MYT1L: variants seen among roughly 807,000 people sequenced by gnomAD.
The protein encoded by MYT1L is myelin transcription factor 1-like protein.
A neutral mutation model predicts 126.7 loss-of-function variants in MYT1L; 12 were observed. The observed-to-expected ratio is 0.09, with a 90% CI of 0.06 to 0.15. MYT1L has a LOEUF of 0.15. Ranked by LOEUF, MYT1L falls within the 10% of genes least tolerant of loss-of-function variation. The pLI is 1.00. For synonymous variants in MYT1L, 541 were observed against 604.2 expected (o/e 0.90, Z 1.53); for missense variants, 979 against 1,585.2 (o/e 0.62, Z 6.49).
intron 8 of MYT1L, among the ~76,000 whole-genome samples, chr2:1,967,858 C>T (rs1285658214): frequency 6.6e-6 from 1 of 152,160 alleles, no homozygotes; most frequent in Non-Finnish European, 1.5e-5. Context: ...GAAGGGCCTC[C>T]TGCAGGGGAG....
At chr2:1,951,242 A>G (rs1234857271) in intron 8 of MYT1L, among the ~76,000 whole-genome samples, 2 of 152,114 alleles carry the variant, frequency 1.3e-5, no homozygotes, top group African/African-American at 2.4e-5. Context: ...GATGTTGTAG[A>G]CATGGTGGGG....
At chr2:2,037,848 TAC>T (rs2067057981) in intron 4 of MYT1L, among the ~76,000 whole-genome samples, 1 of 151,774 alleles carries the variant, frequency 6.6e-6, no homozygotes, top group Non-Finnish European at 1.5e-5. Flanking sequence ...TATTCAAAAC[TAC>T]AGTTTTTCAA....
At chr2:1,928,844 G>A (rs1415052012) in intron 9 of MYT1L, among the ~76,000 whole-genome samples, 5 of 152,092 alleles carry the variant, frequency 3.3e-5, no homozygotes, top group Non-Finnish European at 7.4e-5. Context: ...AGAAAATTAG[G>A]AAAATCCAGG....
intron 13 of MYT1L, among the ~76,000 whole-genome samples, chr2:1,906,549 T>C (rs2051082599): frequency 6.6e-6 from 1 of 152,188 alleles, no homozygotes; most frequent in Non-Finnish European, 1.5e-5. Context: ...TCTATACTTT[T>C]ATAGCAGTAT....
chr2:1,956,918 C>T (rs1465436324), intron 8 of MYT1L, among the ~76,000 whole-genome samples: 1 of 152,168 alleles, frequency 6.6e-6, no homozygotes, highest in Non-Finnish European at 1.5e-5. Flanking sequence ...ATCCATTGTG[C>T]TTCCTCCTTC....
chr2:2,039,509 G>A (rs1373646980), intron 4 of MYT1L, among the ~76,000 whole-genome samples: 1 of 152,144 alleles, frequency 6.6e-6, no homozygotes, highest in African/African-American at 2.4e-5. Context: ...TGACTGTTAG[G>A]GAAGTTTACC....
At chr2:2,064,380 G>A (rs1233660288) in intron 3 of MYT1L, among the ~76,000 whole-genome samples, 1 of 152,186 alleles carries the variant, frequency 6.6e-6, no homozygotes, top group Non-Finnish European at 1.5e-5. Context: ...ATTTCCAGTT[G>A]TTAACAGGAT....
In MYT1L at chr2:1,793,256, A is replaced by C. The variant is rs2032603002; in HGVS notation, c.3277-792T>G. Reference sequence around the variant, plus strand: ...TTCCAGAGATAATTTAAGTATCACCAAGGTCAAGGGGCTTGAGTTCAGGGC... The same window carrying C: ...TTCCAGAGATAATTTAAGTATCACCCAGGTCAAGGGGCTTGAGTTCAGGGC... On this transcript the variant is annotated intron_variant, in intron 23 of 24. Transcript: ENST00000647738. This position sits in a 1 kb window ranked among gnomAD's most constrained non-coding sequence, Gnocchi z 4.6. Among the ~76,000 whole-genome samples, 3 of 152,204 alleles carry C rather than the reference A, an allele frequency of 2.0e-5. No homozygotes were observed. The highest frequency in any genetic ancestry group is 2.0e-4 in the Admixed American group (3 of 15,286).
chr2:1,839,819 T>TAAA (rs2041417406), intron 20 of MYT1L, among the ~76,000 whole-genome samples: 2 of 152,230 alleles, frequency 1.3e-5, no homozygotes, highest in African/African-American at 4.8e-5. Context: ...CTAGAAGACA[T>TAAA]TTATTTGTCT....
chr2:1,986,010 T>C (rs907873432), intron 5 of MYT1L, among the ~76,000 whole-genome samples: 2 of 152,144 alleles, frequency 1.3e-5, no homozygotes, highest in African/African-American at 4.8e-5. Context: ...CCACTAGCCT[T>C]TTGAATACAG....
At chr2:2,186,217 C>G (rs1429638876) in intron 2 of MYT1L, among the ~76,000 whole-genome samples, 1 of 140,440 alleles carries the variant, frequency 7.1e-6, no homozygotes, top group Non-Finnish European at 1.5e-5. Context: ...CTTCCCGAGT[C>G]CCGCGTTCCT....
chr2:2,005,860 CCTG>C (rs2063254843), intron 4 of MYT1L, among the ~76,000 whole-genome samples: 3 of 147,912 alleles, frequency 2.0e-5, no homozygotes, highest in South Asian at 2.2e-4. Flanking sequence ...TTCTTTCCTG[CCTG>C]CTTTCTTTCC....
At chr2:2,058,927 T>C (rs547627634) in intron 3 of MYT1L, among the ~76,000 whole-genome samples, 2 of 152,288 alleles carry the variant, frequency 1.3e-5, no homozygotes, top group African/African-American at 4.8e-5. Context: ...TTGAGGATGA[T>C]TAAAGAAAGT....
At chr2:2,203,679 T>C (rs904776535) in intron 2 of MYT1L, among the ~76,000 whole-genome samples, 1 of 152,076 alleles carries the variant, frequency 6.6e-6, no homozygotes, top group Non-Finnish European at 1.5e-5. Context: ...AAAATGACCA[T>C]ACTGCCCAAG....
At chr2:2,074,585 A>G (rs1220413212) in intron 3 of MYT1L, among the ~76,000 whole-genome samples, 1 of 152,198 alleles carries the variant, frequency 6.6e-6, no homozygotes, top group Non-Finnish European at 1.5e-5. Flanking sequence ...TTCACACCCA[A>G]CGGGATATGG....
intron 22 of MYT1L, among the ~76,000 whole-genome samples, chr2:1,803,656 TG>T (rs767690365): frequency 1.3e-5 from 2 of 152,210 alleles, no homozygotes; most frequent in Non-Finnish European, 2.9e-5. Flanking sequence ...TGCTCTGTCC[TG>T]GGGGACCACC....
intron 9 of MYT1L, among the ~76,000 whole-genome samples, chr2:1,924,376 A>G (rs2053954314): frequency 6.6e-6 from 1 of 152,182 alleles, no homozygotes; most frequent in African/African-American, 2.4e-5. Flanking sequence ...GATTTGGTTA[A>G]CTGCATGCCA....
intron 2 of MYT1L, among the ~76,000 whole-genome samples, chr2:2,282,216 C>G (rs966745980): frequency 2.0e-5 from 3 of 152,224 alleles, no homozygotes; most frequent in Admixed American, 6.5e-5. Context: ...CATATCACCA[C>G]TGCCTCACAC....
chr2:1,934,169 T>A (rs943611019), intron 9 of MYT1L, among the ~76,000 whole-genome samples: 3 of 151,126 alleles, frequency 2.0e-5, no homozygotes, highest in Non-Finnish European at 4.4e-5. Flanking sequence ...AGAGACGGGG[T>A]TTCATCGTGT....
Sources: gnomAD v4.1 joint callset for allele counts (sites outside exome capture counted in the v4.1 genomes callset) on GRCh38, gnomAD v4.1.1 for gene constraint, Gnocchi (gnomAD v3.1) non-coding constraint, MANE v1.5 for transcripts, NCBI Gene and HGNC (gene_info 2026-07-23, HGNC 2026-07-21) for gene names.